Variants in NAV2 observed in about 807,000 individuals in gnomAD.
The protein encoded by NAV2 is helicase, APC down-regulated 1.
In NAV2, 54 loss-of-function variants were observed where a neutral mutation model predicts 223.2. The ratio of observed to expected loss-of-function variants is 0.24; its 90% CI spans 0.19 to 0.30. The LOEUF (loss-of-function observed/expected upper bound fraction) is 0.30. Among genes scored for constraint, NAV2 ranks in the 10% least tolerant of loss-of-function variants. The pLI is 1.00. For missense variants in NAV2, 2,806 were observed against 3,147.5 expected (o/e 0.89, Z 2.60); for synonymous variants, 1,279 against 1,239.3 (o/e 1.03, Z -0.67).
intron 1 of NAV2, among the ~76,000 whole-genome samples, chr11:19,352,624 G>T (rs550633455): frequency 7.2e-5 from 11 of 152,292 alleles, no homozygotes; most frequent in African/African-American, 2.4e-4. Flanking sequence ...CCGTCATGGC[G>T]ATTATTAAAT....
chr11:19,412,938 C>G (rs1018774434), intron 1 of NAV2, among the ~76,000 whole-genome samples: 7 of 152,126 alleles, frequency 4.6e-5, no homozygotes, highest in African/African-American at 9.7e-5. Context: ...ACATCAAAGA[C>G]CAAAGGTGGA....
intron 1 of NAV2, among the ~76,000 whole-genome samples, chr11:19,559,778 A>T: frequency 6.6e-6 from 1 of 152,184 alleles, no homozygotes; most frequent in East Asian, 1.9e-4. Flanking sequence ...GGGGATGGGA[A>T]GTGCTTTCTT....
At position 19,713,574 on chromosome 11, in the gene NAV2, C is replaced by T. The variant is rs1202216448; in HGVS notation, c.-122C>T. On this transcript the variant is annotated 5_prime_UTR_variant, in exon 1 of 38. Coordinates refer to ENST00000349880, the MANE Select transcript of NAV2 (RefSeq NM_145117.5). This position sits in a 1 kb window ranked among gnomAD's most constrained non-coding sequence, Gnocchi z 7.2. ...GACCTGGGGATTTTTTTTTTAGCCG[C>T]TGGTGGTGGGCGCCTCGTGGGCTAA... 5.0e-6 allele frequency: 7 copies of T among 1,399,824 alleles called. No homozygotes were observed. Among genetic ancestry groups the T allele is most frequent in the Non-Finnish European group, 6.5e-6 (7 of 1,076,276 alleles). 86.7% of individuals were successfully genotyped at this position (1,399,824 alleles called of 1,614,324 possible).
chr11:19,901,662 A>G (rs2042458526), intron 6 of NAV2, among the ~76,000 whole-genome samples: 1 of 152,242 alleles, frequency 6.6e-6, no homozygotes, highest in African/African-American at 2.4e-5. Context: ...GCAGGAGATT[A>G]ATAAATGGGG....
intron 2 of NAV2, among the ~76,000 whole-genome samples, chr11:19,836,836 A>G (rs963985138): frequency 5.9e-5 from 9 of 152,256 alleles, no homozygotes; most frequent in Middle Eastern, 3.4e-3. Context: ...GGCAGATTCT[A>G]TGTCTTGGGA....
chr11:19,368,415 A>G (rs1848362023), intron 1 of NAV2, among the ~76,000 whole-genome samples: 1 of 152,174 alleles, frequency 6.6e-6, no homozygotes, highest in South Asian at 2.1e-4. Flanking sequence ...TAAAGGGGCC[A>G]AGCTTCTTCC....
chr11:19,433,446 A>G (rs906829228), intron 1 of NAV2, among the ~76,000 whole-genome samples: 1 of 152,222 alleles, frequency 6.6e-6, no homozygotes, highest in Non-Finnish European at 1.5e-5. Flanking sequence ...TGTGCCTTTT[A>G]ATAGCAAACA....
At chr11:19,990,038 C>G (rs1303689022) in intron 11 of NAV2, among the ~76,000 whole-genome samples, 1 of 152,136 alleles carries the variant, frequency 6.6e-6, no homozygotes, top group Non-Finnish European at 1.5e-5. Context: ...AAATGATTCA[C>G]ATTAAGAGGA....
At chr11:19,758,843 C>A (rs1197361332) in intron 1 of NAV2, among the ~76,000 whole-genome samples, 8 of 152,134 alleles carry the variant, frequency 5.3e-5, no homozygotes, top group Admixed American at 5.2e-4. Flanking sequence ...AGAAAGGGAG[C>A]CAAAACCTCA....
intron 1 of NAV2, among the ~76,000 whole-genome samples, chr11:19,728,123 C>T (rs2051401623): frequency 6.6e-6 from 1 of 152,174 alleles, no homozygotes; most frequent in African/African-American, 2.4e-5. Flanking sequence ...TTTGTGTTTG[C>T]ATGCACATGC....
intron 27 of NAV2, 136 bp downstream of exon 27, chr11:20,091,154 G>A (rs574532568): frequency 1.3e-6 from 1 of 797,830 alleles, no homozygotes. Flanking sequence ...TCTCTTTTCA[G>A]TCCCTCCCAC....
chr11:20,069,621 G>A (rs35805981), intron 22 of NAV2, among the ~76,000 whole-genome samples: 26,640 of 152,084 alleles, frequency 0.18, 2,853 homozygotes, highest in African/African-American at 0.29. Flanking sequence ...CTGAGATATC[G>A]AAAGGTGCTA....
intron 1 of NAV2, among the ~76,000 whole-genome samples, chr11:19,826,422 G>A (rs957249037): frequency 1.3e-5 from 2 of 152,152 alleles, no homozygotes; most frequent in South Asian, 2.1e-4. Context: ...ACATTGCTCC[G>A]TTTTTGCTGA....
chr11:20,039,431 C>G (rs563292211), intron 12 of NAV2, among the ~76,000 whole-genome samples: 1 of 152,086 alleles, frequency 6.6e-6, no homozygotes, highest in East Asian at 1.9e-4. Flanking sequence ...ATCTCTCCCT[C>G]CCTTCCTCCC....
chr11:19,881,015 G>T (rs1210985095), intron 5 of NAV2, among the ~76,000 whole-genome samples: 1 of 152,120 alleles, frequency 6.6e-6, no homozygotes. Flanking sequence ...AAGAGTAATG[G>T]CCTTTTCTTT....
At chr11:19,587,169 C>T (rs2045928325) in intron 1 of NAV2, among the ~76,000 whole-genome samples, 2 of 152,202 alleles carry the variant, frequency 1.3e-5, no homozygotes, top group Non-Finnish European at 2.9e-5. Context: ...GCATAGGACC[C>T]TCCGAGCCAG....
chr11:19,738,841 C>T (rs1336701452), intron 1 of NAV2, among the ~76,000 whole-genome samples: 4 of 152,190 alleles, frequency 2.6e-5, no homozygotes, highest in African/African-American at 9.7e-5. Flanking sequence ...TGCTGGAGCT[C>T]AGAACCTCCC....
At chr11:19,668,770 T>C (rs1017858719) in intron 1 of NAV2, among the ~76,000 whole-genome samples, 2 of 152,016 alleles carry the variant, frequency 1.3e-5, no homozygotes, top group African/African-American at 4.8e-5. Flanking sequence ...TCACACTCTT[T>C]CACATCAGCT....
At chr11:19,850,290 T>A (rs984325789) in intron 3 of NAV2, among the ~76,000 whole-genome samples, 2 of 152,226 alleles carry the variant, frequency 1.3e-5, no homozygotes, top group African/African-American at 4.8e-5. Flanking sequence ...CTGTGCCTGC[T>A]TTTAACATAA....
Sources: gnomAD v4.1 joint callset for allele counts (sites outside exome capture counted in the v4.1 genomes callset) on GRCh38, gnomAD v4.1.1 for gene constraint, Gnocchi (gnomAD v3.1) non-coding constraint, MANE v1.5 for transcripts, NCBI Gene and HGNC (gene_info 2026-07-23, HGNC 2026-07-21) for gene names.